The following CA10 variants were observed in gnomAD, a reference collection of about 807,000 sequenced individuals.
The protein encoded by CA10 is carbonic anhydrase 10 (inactive), also known as carbonic anhydrase-related protein 10.
Under a neutral mutation model 44.2 loss-of-function variants are expected in CA10, and 14 were observed. That is an observed-to-expected ratio of 0.32 (90% CI 0.21 to 0.50). The LOEUF is 0.50. Ranked by LOEUF, CA10 falls within the 20% of genes least tolerant of loss-of-function variation. The pLI, the probability that CA10 is intolerant of heterozygous loss-of-function variation, is 0.99. For missense variants in CA10, 350 were observed against 409.7 expected, an observed-to-expected ratio of 0.85 and a Z score of 1.26; for synonymous variants, 159 against 141.6, an observed-to-expected ratio of 1.12 and a Z score of -0.87.
chr17:52,017,296 T>C (rs139166451), intron 2 of CA10, among the ~76,000 whole-genome samples: 1 of 152,226 alleles, frequency 6.6e-6, no homozygotes, highest in African/African-American at 2.4e-5. Context: ...GGAAGAAAGA[T>C]GAAGGAAAGT....
chr17:51,911,866 C>A (rs941423471), intron 3 of CA10, among the ~76,000 whole-genome samples: 1 of 152,148 alleles, frequency 6.6e-6, no homozygotes, highest in Non-Finnish European at 1.5e-5. Flanking sequence ...CAAGCACCGA[C>A]AAACAATTTC....
chr17:51,730,456 T>C (rs530930179), intron 4 of CA10, among the ~76,000 whole-genome samples: 1 of 152,306 alleles, frequency 6.6e-6, no homozygotes, highest in East Asian at 1.9e-4. Context: ...GTTTTGTAAA[T>C]GTGGCCAGAA....
At chr17:51,663,951 T>C (rs972673) in intron 4 of CA10, among the ~76,000 whole-genome samples, 4,614 of 152,314 alleles carry the variant, frequency 0.03, 232 homozygotes, top group African/African-American at 0.1. Flanking sequence ...TCTTGTATTA[T>C]GAAAATAGAT....
At chr17:51,867,645 T>A (rs76299606) in intron 3 of CA10, among the ~76,000 whole-genome samples, 2 of 152,182 alleles carry the variant, frequency 1.3e-5, no homozygotes, top group Non-Finnish European at 2.9e-5. Flanking sequence ...CTATCTATAT[T>A]GTTTTCATAG....
chr17:51,814,038 C>G (rs1186384022), intron 3 of CA10, among the ~76,000 whole-genome samples: 2 of 152,166 alleles, frequency 1.3e-5, no homozygotes, highest in African/African-American at 4.8e-5. Context: ...TTTTCCAGAG[C>G]TCAGAGTGCT....
intron 4 of CA10, among the ~76,000 whole-genome samples, chr17:51,655,154 T>C (rs1457123639): frequency 6.6e-6 from 1 of 152,226 alleles, no homozygotes; most frequent in Non-Finnish European, 1.5e-5. Flanking sequence ...TCTAAGCCAA[T>C]GCATATAGAT....
intron 1 of CA10, among the ~76,000 whole-genome samples, chr17:52,131,875 T>C (rs537262246): frequency 1.9e-4 from 29 of 152,106 alleles, no homozygotes; most frequent in Non-Finnish European, 3.5e-4. Context: ...ATGGATGAAA[T>C]TGGAAATCAT....
At chr17:51,904,325 C>A (rs192844293) in intron 3 of CA10, among the ~76,000 whole-genome samples, 10 of 152,152 alleles carry the variant, frequency 6.6e-5, no homozygotes, top group Admixed American at 1.3e-4. Flanking sequence ...TATCAGAGAT[C>A]TTTCTAATTC....
At chr17:52,014,489 C>A (rs1985906489) in intron 2 of CA10, among the ~76,000 whole-genome samples, 1 of 151,628 alleles carries the variant, frequency 6.6e-6, no homozygotes, top group African/African-American at 2.4e-5. Context: ...GATAAAATAC[C>A]AAAATGTGAA....
chr17:51,833,191 C>A (rs546169472), intron 3 of CA10, among the ~76,000 whole-genome samples: 2 of 152,276 alleles, frequency 1.3e-5, no homozygotes, highest in Non-Finnish European at 1.5e-5. Flanking sequence ...AGGCTTCTCC[C>A]TTGAGCATTA....
intron 3 of CA10, among the ~76,000 whole-genome samples, chr17:51,777,182 G>A (rs916640408): frequency 3.3e-5 from 5 of 152,196 alleles, no homozygotes; most frequent in African/African-American, 9.6e-5. Context: ...TAGGAAGGAT[G>A]GGAGGAGGCC....
intron 2 of CA10, among the ~76,000 whole-genome samples, chr17:51,968,030 G>C (rs1984145072): frequency 6.6e-6 from 1 of 151,760 alleles, no homozygotes; most frequent in South Asian, 2.1e-4. Context: ...GTTGTCTCCA[G>C]TTGAGAACAG....
chr17:51,759,800 C>A (rs1299460664), intron 3 of CA10, among the ~76,000 whole-genome samples: 1 of 151,100 alleles, frequency 6.6e-6, no homozygotes, highest in Non-Finnish European at 1.5e-5. Context: ...TATAGAGTGA[C>A]TTTTTTTTTA....
chr17:51,752,560 G>T (rs561399746), intron 3 of CA10, among the ~76,000 whole-genome samples: 1 of 152,160 alleles, frequency 6.6e-6, no homozygotes, highest in South Asian at 2.1e-4. Flanking sequence ...GGCAAACCCA[G>T]GTCTTCTGAT....
At chr17:51,745,991 TTTCA>T (rs1567825507) in intron 4 of CA10, among the ~76,000 whole-genome samples, 4 of 152,250 alleles carry the variant, frequency 2.6e-5, no homozygotes, top group African/African-American at 9.6e-5. Flanking sequence ...TCTGTCCTGC[TTTCA>T]TTACATTTCT....
intron 1 of CA10, among the ~76,000 whole-genome samples, chr17:52,099,315 G>T (rs745581583): frequency 8.5e-5 from 13 of 152,158 alleles, no homozygotes; most frequent in Non-Finnish European, 1.8e-4. Flanking sequence ...GTAGAAAGGG[G>T]TTAGATCCTG....
chr17:51,776,840 A>G (rs1453732074), intron 3 of CA10, among the ~76,000 whole-genome samples: 4 of 152,174 alleles, frequency 2.6e-5, no homozygotes, highest in Non-Finnish European at 1.5e-5. Flanking sequence ...AGTCCTGGAG[A>G]ATCTCATCTG....
rs76721785 is a variant in CA10, at chr17:51,747,826, G to A, written c.280-8C>T. On this transcript the variant is annotated splice_region_variant and splice_polypyrimidine_tract_variant and intron_variant, in intron 3 of 8. Transcript: ENST00000451037. ...GTACATGGTCCCACTGACCTGCAAG[G>A]CAATTAGCAACAGGTCAAGCAAGGC... 2 of 1,602,900 alleles carry A rather than the reference G, an allele frequency of 1.2e-6. No individual in the cohort carries two copies. The highest frequency in any genetic ancestry group is 4.5e-5 in the East Asian group (2 of 44,718).
At chr17:52,126,600 T>G (rs1719292926) in intron 1 of CA10, among the ~76,000 whole-genome samples, 1 of 152,206 alleles carries the variant, frequency 6.6e-6, no homozygotes, top group Admixed American at 6.5e-5. Context: ...TGTCTAAATA[T>G]AAATTTTAAA....
Sources: allele counts gnomAD v4.1 joint callset (sites outside exome capture counted in the v4.1 genomes callset), GRCh38; gene constraint gnomAD v4.1.1; transcripts MANE v1.5; gene names NCBI Gene and HGNC (gene_info 2026-07-23, HGNC 2026-07-21).